Variants in SPECC1 observed in about 807,000 individuals in gnomAD.
The protein encoded by SPECC1 is cytospin-B.
In SPECC1, 62 loss-of-function variants were observed where a neutral mutation model predicts 104.1. That is an observed-to-expected ratio of 0.60 (90% confidence interval 0.49 to 0.74). The LOEUF is 0.74. SPECC1 is among the 30% of genes least tolerant of loss of function. SPECC1 has a pLI of 0.00. For missense variants in SPECC1, 1,306 were observed against 1,310.5 expected (o/e 1.00, Z 0.05); for synonymous variants, 513 against 501.6 (o/e 1.02, Z -0.30).
intron 3 of SPECC1, among the ~76,000 whole-genome samples, chr17:20,190,521 C>A (rs915926755): frequency 2.0e-5 from 3 of 152,122 alleles, no homozygotes; most frequent in African/African-American, 7.2e-5. Flanking sequence ...TTAGGCACAG[C>A]AAAATTGAGT....
At chr17:20,290,069 G>A (rs761103479) in intron 12 of SPECC1, among the ~76,000 whole-genome samples, 2 of 151,894 alleles carry the variant, frequency 1.3e-5, no homozygotes, top group African/African-American at 4.8e-5. Flanking sequence ...CTGCTGCAGT[G>A]CCAGGATCTG....
In SPECC1 at chr17:20,166,055, G is replaced by A. The variant is rs559135676; in HGVS notation, c.284-38278G>A. ...AATTGTGGATATCTTTCTTGGCTTT[G>A]TCTATCTTACAAGATAATTCTACTG... On this transcript the variant is annotated intron_variant, in intron 3 of 14. Coordinates refer to ENST00000395527, the MANE Select transcript of SPECC1 (RefSeq NM_001243439.2). Among the ~76,000 whole-genome samples, 6 of 152,214 alleles carry A rather than the reference G, an allele frequency of 3.9e-5. 1 individual carries two copies. The East Asian group carries it at 7.7e-4, about 20-fold the overall frequency.
chr17:20,084,290 A>G (rs1303053851), intron 1 of SPECC1, among the ~76,000 whole-genome samples: 2 of 152,094 alleles, frequency 1.3e-5, no homozygotes, highest in African/African-American at 4.8e-5. Flanking sequence ...TTAGTCGGGC[A>G]CAGTGGAGGG....
At chr17:20,152,324 C>T (rs895972085) in intron 3 of SPECC1, among the ~76,000 whole-genome samples, 38 of 152,126 alleles carry the variant, frequency 2.5e-4, no homozygotes, top group African/African-American at 9.2e-4. Context: ...TAAAATAATA[C>T]AAGCATTGAC....
At chr17:20,102,537 A>C (rs1421288619) in intron 2 of SPECC1, among the ~76,000 whole-genome samples, 1 of 152,202 alleles carries the variant, frequency 6.6e-6, no homozygotes, top group East Asian at 1.9e-4. Flanking sequence ...CCAAGAGGAG[A>C]CAGAGTCAGC....
intron 14 of SPECC1, among the ~76,000 whole-genome samples, chr17:20,306,788 G>A (rs1191972325): frequency 6.6e-6 from 1 of 152,232 alleles, no homozygotes; most frequent in East Asian, 1.9e-4. Flanking sequence ...TATACTCTTA[G>A]ATGCAGGAAG....
At chr17:20,250,796 A>G (rs1392528239) in intron 9 of SPECC1, among the ~76,000 whole-genome samples, 1 of 152,254 alleles carries the variant, frequency 6.6e-6, no homozygotes, top group Non-Finnish European at 1.5e-5. Context: ...CTTTGCAAAA[A>G]TCCTGAACAA....
At position 20,244,227 on chromosome 17, in the gene SPECC1, T is replaced by C. The variant is rs542429383; in HGVS notation, c.2352-1699T>C. On this transcript the variant is annotated intron_variant, in intron 7 of 14. Transcript: ENST00000395527. ...CTGGGCGACAGAGCGAGACTCTGTC[T>C]CAGAACAAAAAAAAGGTGGCCCATT... Among the ~76,000 whole-genome samples, 9 of 152,178 alleles carry C rather than the reference T, an allele frequency of 5.9e-5. No individual in the cohort carries two copies. The South Asian group carries it at 8.3e-4, about 14-fold the overall frequency.
At chr17:20,025,114 A>C (rs2044549808) in intron 1 of SPECC1, among the ~76,000 whole-genome samples, 1 of 152,204 alleles carries the variant, frequency 6.6e-6, no homozygotes, top group African/African-American at 2.4e-5. Flanking sequence ...GCCATGACCC[A>C]GAATGAGCCA....
intron 3 of SPECC1, among the ~76,000 whole-genome samples, chr17:20,137,796 G>T (rs2030196060): frequency 6.6e-6 from 1 of 151,842 alleles, no homozygotes; most frequent in Admixed American, 6.6e-5. Flanking sequence ...CTCCTGAGTA[G>T]CTGGGATTAC....
In SPECC1 at chr17:20,156,284, C is replaced by CG. The variant is rs558898635; in HGVS notation, c.283+45722_283+45723insG. The CG allele has an allele frequency of 6.0e-4, 782 of 1,293,454 alleles. 1 individual carries two copies. The African/African-American group carries it at 6.6e-3, about 11-fold the overall frequency. 80.1% of individuals were successfully genotyped at this position (1,293,454 alleles called of 1,614,324 possible). A position where few individuals can be genotyped will look rare whatever the true frequency, so the allele number is the denominator to read the frequency against. ...GCGCCGCAGCCGCAACCCCACCCCC[C>CG]CTCCAGGCGCCCTTCCCCCACCGCC... On this transcript the variant is annotated intron_variant, in intron 3 of 14. Coordinates refer to ENST00000395527, the MANE Select transcript of SPECC1 (RefSeq NM_001243439.2).
intron 10 of SPECC1, among the ~76,000 whole-genome samples, chr17:20,255,237 C>A (rs2039782556): frequency 6.6e-6 from 1 of 152,122 alleles, no homozygotes; most frequent in South Asian, 2.1e-4. Flanking sequence ...AAACAGAGTT[C>A]AGTGGAGGTA....
chr17:20,168,730 C>T (rs1225973023), intron 3 of SPECC1, among the ~76,000 whole-genome samples: 3 of 152,110 alleles, frequency 2.0e-5, no homozygotes, highest in Non-Finnish European at 4.4e-5. Context: ...AGTAAGGTAA[C>T]CAGCTTGGAA....
intron 13 of SPECC1, among the ~76,000 whole-genome samples, chr17:20,305,408 C>T (rs75473883): frequency 9.1e-4 from 138 of 152,208 alleles, no homozygotes; most frequent in African/African-American, 1.4e-3. Context: ...AATATTAATA[C>T]GGGCACTAAA....
rs546351247 is a variant in SPECC1 at position 20,314,377 on chromosome 17, G to T, written c.*312G>T. 2.8e-6 allele frequency: 1 copy of T among 360,776 alleles called. No individual in the cohort carries two copies. The highest frequency in any genetic ancestry group is 5.8e-5 in the South Asian group (1 of 17,232). The allele number at this position is 360,776 out of a possible 1,614,324, so 22.3% of individuals were successfully genotyped here. A position where few individuals can be genotyped will look rare whatever the true frequency, so the allele number is the denominator to read the frequency against. On this transcript the variant is annotated 3_prime_UTR_variant, in exon 15 of 15. Coordinates refer to ENST00000395527, the MANE Select transcript of SPECC1 (RefSeq NM_001243439.2). ...AGGCTTGTTTTGCTGATTATATTGG[G>T]TGGCTGAACGAACACATTATCTGCA...
intron 4 of SPECC1, among the ~76,000 whole-genome samples, chr17:20,220,589 G>GT (rs1555631729): frequency 4.5e-5 from 5 of 112,242 alleles, no homozygotes; most frequent in African/African-American, 1.4e-4. Context: ...GTGGAGGCTA[G>GT]TTTTTTCCAG....
chr17:20,168,809 T>C (rs2033863318), intron 3 of SPECC1, among the ~76,000 whole-genome samples: 3 of 152,226 alleles, frequency 2.0e-5, no homozygotes, highest in African/African-American at 7.2e-5. Flanking sequence ...TGTATGTGTA[T>C]GCTTATATGA....
chr17:20,251,113 A>C (rs2039610536), intron 9 of SPECC1, among the ~76,000 whole-genome samples: 1 of 151,000 alleles, frequency 6.6e-6, no homozygotes, highest in Non-Finnish European at 1.5e-5. Context: ...TGTAACCCCC[A>C]GCTACTTGGG....
At chr17:20,234,575 G>A (rs2526472) in intron 7 of SPECC1, among the ~76,000 whole-genome samples, 107,861 of 152,148 alleles carry the variant, frequency 0.71, 40,048 homozygotes, top group East Asian at 0.99. Context: ...TTGAAACTCA[G>A]TTTGACTTTG....
Sources: gnomAD v4.1 joint callset for allele counts (sites outside exome capture counted in the v4.1 genomes callset) on GRCh38, gnomAD v4.1.1 for gene constraint, MANE v1.5 for transcripts, NCBI Gene and HGNC (gene_info 2026-07-23, HGNC 2026-07-21) for gene names.